CYP7B1: variants seen among roughly 807,000 people sequenced by gnomAD.
CYP7B1 encodes cytochrome P450 family 7 subfamily B member 1, also known as cytochrome P450 7B1.
In CYP7B1, 29 loss-of-function variants were observed where a neutral mutation model predicts 42.7. The observed-to-expected ratio is 0.68, with a 90% CI of 0.51 to 0.93. The LOEUF (loss-of-function observed/expected upper bound fraction) is 0.93. CYP7B1 is among the 40% of genes least tolerant of loss of function. The pLI is 0.00. For missense variants in CYP7B1, 655 were observed against 600.5 expected (o/e 1.09, Z -0.95); for synonymous variants, 235 against 218.2 (o/e 1.08, Z -0.68).
chr8:64,619,395 G>C (rs1159398455), intron 2 of CYP7B1, among the ~76,000 whole-genome samples: 1 of 152,132 alleles, frequency 6.6e-6, no homozygotes, highest in African/African-American at 2.4e-5. Flanking sequence ...AATACCCTTT[G>C]CCATGTTTTC....
rs1221268494 is a variant in CYP7B1, at chr8:64,596,443, C to T, written c.*199G>A. The T allele has an allele frequency of 5.6e-6, 3 of 537,700 alleles. No individual in the cohort carries two copies. The African/African-American group carries it at 5.7e-5, about 10-fold the overall frequency. 33.3% of individuals were successfully genotyped at this position (537,700 alleles called of 1,614,324 possible). A position where few individuals can be genotyped will look rare whatever the true frequency, so the allele number is the denominator to read the frequency against. On this transcript the variant is annotated 3_prime_UTR_variant, in exon 6 of 6. Coordinates refer to ENST00000310193, the MANE Select transcript of CYP7B1 (RefSeq NM_004820.5). Reference sequence around the variant, plus strand: ...CTACCCTTAAGTTGATTTTGATGTCCATTTTCCTGCCACCATCCTGTTTTA... The same window carrying T: ...CTACCCTTAAGTTGATTTTGATGTCTATTTTCCTGCCACCATCCTGTTTTA...
At chr8:64,669,135 AT>A (rs1806327087) in intron 1 of CYP7B1, among the ~76,000 whole-genome samples, 1 of 152,162 alleles carries the variant, frequency 6.6e-6, no homozygotes, top group African/African-American at 2.4e-5. Flanking sequence ...GTTAAAAAAA[AT>A]GAAGATATCA....
At chr8:64,753,438 G>A (rs899301878) in intron 1 of CYP7B1, among the ~76,000 whole-genome samples, 1 of 152,122 alleles carries the variant, frequency 6.6e-6, no homozygotes, top group Non-Finnish European at 1.5e-5. Flanking sequence ...GACGTTCTTC[G>A]AAGTCCAAGC....
At chr8:64,689,716 G>A (rs954540951) in intron 1 of CYP7B1, among the ~76,000 whole-genome samples, 20 of 152,090 alleles carry the variant, frequency 1.3e-4, no homozygotes, top group African/African-American at 2.7e-4. Flanking sequence ...ACAGGTGTGC[G>A]CCACTACTGC....
At chr8:64,640,818 ATTCTGACT>A (rs540446795) in intron 1 of CYP7B1, among the ~76,000 whole-genome samples, 1 of 152,290 alleles carries the variant, frequency 6.6e-6, no homozygotes, top group Admixed American at 6.5e-5. Context: ...GGTTACGGGA[ATTCTGACT>A]TTCTGAAATC....
intron 1 of CYP7B1, among the ~76,000 whole-genome samples, chr8:64,644,866 C>T (rs916034003): frequency 1.3e-5 from 2 of 150,868 alleles, no homozygotes; most frequent in African/African-American, 4.9e-5. Flanking sequence ...CCCATTAACT[C>T]GTCATTTAGC....
At chr8:64,760,472 C>A (rs1036906245) in intron 1 of CYP7B1, among the ~76,000 whole-genome samples, 1 of 152,100 alleles carries the variant, frequency 6.6e-6, no homozygotes, top group South Asian at 2.1e-4. Flanking sequence ...AGGTTAATAT[C>A]TAAAATATAT....
At chr8:64,687,656 G>T (rs574654954) in intron 1 of CYP7B1, among the ~76,000 whole-genome samples, 5 of 152,186 alleles carry the variant, frequency 3.3e-5, no homozygotes, top group African/African-American at 1.2e-4. Context: ...CATATAACAG[G>T]TGCTCAAGAA....
chr8:64,701,344 C>A (rs367591176), intron 1 of CYP7B1, among the ~76,000 whole-genome samples: 2 of 152,002 alleles, frequency 1.3e-5, no homozygotes, highest in South Asian at 2.1e-4. Flanking sequence ...AACCACACTG[C>A]CAGGTATAAG....
At chr8:64,735,973 A>G (rs1284109018) in intron 1 of CYP7B1, among the ~76,000 whole-genome samples, 1 of 152,186 alleles carries the variant, frequency 6.6e-6, no homozygotes, top group Non-Finnish European at 1.5e-5. Context: ...ATAAAAATAA[A>G]TTTTTAATGT....
At chr8:64,644,667 C>T (rs115543356) in intron 1 of CYP7B1, among the ~76,000 whole-genome samples, 4,076 of 152,238 alleles carry the variant, frequency 0.027, 169 homozygotes, top group African/African-American at 0.093. Context: ...CAACAATGAA[C>T]TTAAAATATT....
intron 1 of CYP7B1, among the ~76,000 whole-genome samples, chr8:64,796,710 C>T (rs562220439): frequency 6.6e-6 from 1 of 152,242 alleles, no homozygotes; most frequent in South Asian, 2.1e-4. Flanking sequence ...ATAATGACTT[C>T]TATAAACTGA....
intron 1 of CYP7B1, among the ~76,000 whole-genome samples, chr8:64,645,293 G>A (rs1374946881): frequency 3.3e-5 from 5 of 151,960 alleles, no homozygotes; most frequent in Non-Finnish European, 5.9e-5. Context: ...GGATGGCTGG[G>A]TCAAATGGTA....
At position 64,596,700 on chromosome 8, in the gene CYP7B1, A is replaced by C; in HGVS notation, c.1463T>G (p.Leu488Trp). 1 of 1,613,630 alleles carries C rather than the reference A, an allele frequency of 6.2e-7. No individual in the cohort carries two copies. Among genetic ancestry groups the C allele is most frequent in the South Asian group, 1.1e-5 (1 of 90,984 alleles). The change falls in exon 6 of 6, where the codon TTG becomes TGG. Residue 488 changes from leucine to tryptophan, a missense_variant. By Grantham distance (61) the Leu-to-Trp change is moderately conservative. Coordinates refer to ENST00000310193, the MANE Select transcript of CYP7B1 (RefSeq NM_004820.5). ...AGAATCTGGATACTGAATACCAAACAACAAGCGGCTGTAGTTTAGTCCTAT... is the reference window on the plus strand; with the variant it reads ...AGAATCTGGATACTGAATACCAAACCACAAGCGGCTGTAGTTTAGTCCTAT... ...KPIGLNYSRL[L>W]FGIQYPDSDV...
chr8:64,680,406 G>A (rs149990833), intron 1 of CYP7B1, among the ~76,000 whole-genome samples: 3 of 152,160 alleles, frequency 2.0e-5, no homozygotes, highest in East Asian at 3.9e-4. Flanking sequence ...GGAGGAAAAC[G>A]CAACAGTCCC....
intron 4 of CYP7B1, among the ~76,000 whole-genome samples, chr8:64,608,852 A>T (rs1286209973): frequency 6.6e-6 from 1 of 152,222 alleles, no homozygotes; most frequent in Non-Finnish European, 1.5e-5. Flanking sequence ...ATCTTAAGTA[A>T]AGTTAAAAAT....
chr8:64,630,754 T>G (rs1805683818), intron 1 of CYP7B1, among the ~76,000 whole-genome samples: 1 of 152,236 alleles, frequency 6.6e-6, no homozygotes, highest in East Asian at 1.9e-4. Context: ...ACTATCTTTG[T>G]TTAGAAGCAA....
At chr8:64,622,000 G>C (rs920801299) in intron 2 of CYP7B1, among the ~76,000 whole-genome samples, 3 of 151,750 alleles carry the variant, frequency 2.0e-5, no homozygotes, top group Non-Finnish European at 2.9e-5. Flanking sequence ...CCTCAGACTG[G>C]CCAGCTTCCA....
chr8:64,599,645 C>T (rs1477273426), intron 5 of CYP7B1, among the ~76,000 whole-genome samples: 2 of 152,188 alleles, frequency 1.3e-5, no homozygotes, highest in African/African-American at 4.8e-5. Context: ...GACTCCCCAA[C>T]ATTGTTCTTC....
Sources: allele counts gnomAD v4.1 joint callset (sites outside exome capture counted in the v4.1 genomes callset), GRCh38; gene constraint gnomAD v4.1.1; transcripts MANE v1.5; gene names NCBI Gene and HGNC (gene_info 2026-07-23, HGNC 2026-07-21).